PALM: variants seen among roughly 807,000 people sequenced by gnomAD.
PALM encodes the protein paralemmin-1.
PALM carries 18 observed loss-of-function variants against 30.7 expected under a neutral mutation model. The ratio of observed to expected loss-of-function variants is 0.59; its 90% confidence interval spans 0.41 to 0.87. The LOEUF is 0.87. Among genes scored for constraint, PALM ranks in the 40% least tolerant of loss-of-function variants. The pLI is 0.00. For synonymous variants in PALM, 286 were observed against 242.8 expected (o/e 1.18, Z -1.66); for missense variants, 529 against 555.4 (o/e 0.95, Z 0.48).
rs540395827 is a variant in PALM, at chr19:740,591, C to G, written c.634+108C>G. ...CTGCCCCGGAATCAGGACCCCGATT[C>G]GATGTGAAGCAGATGACGCTGTTCA... On this transcript the variant is annotated intron_variant, in intron 8 of 8. Coordinates refer to ENST00000338448, the MANE Select transcript of PALM (RefSeq NM_002579.3). 4.6e-5 allele frequency: 49 copies of G among 1,063,194 alleles called. No homozygotes were observed. The South Asian group carries it at 6.8e-4, about 15-fold the overall frequency. The allele number at this position is 1,063,194 out of a possible 1,614,324, so 65.9% of individuals were successfully genotyped here.
chr19:741,332 A>C (rs1313195286), intron 8 of PALM, among the ~76,000 whole-genome samples: 1 of 151,890 alleles, frequency 6.6e-6, no homozygotes, highest in East Asian at 1.9e-4. Context: ...GCCCCTGCAA[A>C]GGCCCTGAGG....
intron 1 of PALM, among the ~76,000 whole-genome samples, chr19:724,470 C>T (rs1425821754): frequency 6.6e-6 from 1 of 152,050 alleles, no homozygotes; most frequent in Admixed American, 6.6e-5. Context: ...CAGGTGCCGA[C>T]CACCACGCCT....
intron 1 of PALM, among the ~76,000 whole-genome samples, chr19:711,573 A>G (rs2032081138): frequency 6.6e-6 from 1 of 152,204 alleles, no homozygotes; most frequent in Admixed American, 6.5e-5. Flanking sequence ...TTAAAAGGCA[A>G]CAGTACCTAG....
At chr19:726,951 G>C (rs918636775) in intron 2 of PALM, 57 bp from the exon 3 acceptor site, 2 of 1,029,678 alleles carry the variant, frequency 1.9e-6, no homozygotes, top group Middle Eastern at 2.9e-4. Context: ...GTGTGGGGGT[G>C]GGGGGGTCTC....
chr19:716,154 G>A (rs534161331), intron 1 of PALM, among the ~76,000 whole-genome samples: 7 of 152,272 alleles, frequency 4.6e-5, no homozygotes, highest in South Asian at 2.1e-4. Flanking sequence ...GCTCACGCCT[G>A]TAATCCCAGC....
intron 6 of PALM, 51 bp from the exon 7 acceptor site, chr19:735,968 T>A: frequency 6.6e-7 from 1 of 1,506,248 alleles, no homozygotes. Context: ...GGGGTCCATG[T>A]GACCTCTCCT....
intron 6 of PALM, chr19:735,097 C>A: frequency 1.1e-6 from 1 of 869,892 alleles, no homozygotes; most frequent in Non-Finnish European, 1.4e-6. Context: ...CTAGGGGTTG[C>A]GGTGGGGGTC....
chr19:746,703 C>A lies in PALM; in HGVS notation c.1053C>A (p.Pro351=), dbSNP rs769085796. Residue 351 remains proline (P), a synonymous_variant, in exon 9 of 9, where the codon CCC becomes CCA. Transcript: ENST00000338448. The surrounding 1 kb of genome is among the most constrained non-coding windows in gnomAD (Gnocchi z 7.1). ...CCAACGGCAGTGCTGCCGAGCCTCC[C>A]ACGGAGGCCGCCTCCAGGGAAGAGA... is the stretch of plus-strand genomic sequence containing the variant. ...APPNGSAAEP[P]TEAASREENQ... 3 of 1,608,662 alleles carry A rather than the reference C, an allele frequency of 1.9e-6. No homozygotes were observed. Among genetic ancestry groups the A allele is most frequent in the Non-Finnish European group, 2.5e-6 (3 of 1,178,124 alleles).
intron 4 of PALM, among the ~76,000 whole-genome samples, chr19:729,490 G>T (rs1318568893): frequency 7.6e-6 from 1 of 131,354 alleles, no homozygotes; most frequent in Non-Finnish European, 1.6e-5. Flanking sequence ...TTTTGAGAAG[G>T]AGTCTCGCTC....
rs547655986 is a variant in PALM, at chr19:738,749, C to T, written c.503-1603C>T. ...CCCGGCGCAGAGCAGAGTCCAGGGC[C>T]GCAGCCGGGCCTAAGCGTCGAGGTT... On this transcript the variant is annotated intron_variant, in intron 7 of 8. Coordinates refer to ENST00000338448, the MANE Select transcript of PALM (RefSeq NM_002579.3). Among the ~76,000 whole-genome samples the T allele has an allele frequency of 2.0e-5, 3 of 152,216 alleles. No individual in the cohort carries two copies. In the South Asian group the frequency reaches 6.2e-4, roughly 32 times the overall value.
chr19:726,856 G>C (rs1281078992), intron 2 of PALM, 152 bp from the exon 3 acceptor site: 1 of 612,648 alleles, frequency 1.6e-6, no homozygotes, highest in East Asian at 2.8e-5. Flanking sequence ...CTGGAGTACA[G>C]TGGTGCGATC....
intron 7 of PALM, among the ~76,000 whole-genome samples, chr19:738,657 A>G (rs564549197): frequency 6.6e-5 from 10 of 152,130 alleles, no homozygotes; most frequent in Admixed American, 1.3e-4. Context: ...ATAGGGGCTG[A>G]GTCCAGGTCA....
intron 1 of PALM, among the ~76,000 whole-genome samples, chr19:722,229 T>G (rs1457154048): frequency 6.6e-6 from 1 of 152,212 alleles, no homozygotes; most frequent in Non-Finnish European, 1.5e-5. Flanking sequence ...TAAATTTTTA[T>G]TTTTGAGACA....
chr19:711,906 G>T (rs536481040), intron 1 of PALM, among the ~76,000 whole-genome samples: 2 of 152,038 alleles, frequency 1.3e-5, no homozygotes, highest in South Asian at 4.2e-4. Context: ...AGCATTGCAT[G>T]GGAAGGTGGT....
chr19:746,134 A>T lies in PALM; in HGVS notation c.635-151A>T. On this transcript the variant is annotated intron_variant, in intron 8 of 8. Transcript: ENST00000338448. This position sits in a 1 kb window ranked among gnomAD's most constrained non-coding sequence, Gnocchi z 7.1. Reference sequence around the variant, plus strand: ...CAACAGGGGGCTTTAATTGTCTGTCAGTTCTGACGGTGTAATCTAGTTCGT... The same window carrying T: ...CAACAGGGGGCTTTAATTGTCTGTCTGTTCTGACGGTGTAATCTAGTTCGT... 1 of 622,370 alleles carries T rather than the reference A, an allele frequency of 1.6e-6. No individual in the cohort carries two copies. The highest frequency in any genetic ancestry group is 2.8e-6 in the Non-Finnish European group (1 of 356,210). 38.6% of individuals were successfully genotyped at this position (622,370 alleles called of 1,614,324 possible).
chr19:740,416 C>T lies in PALM; in HGVS notation c.567C>T (p.Ser189=), dbSNP rs1200479011. The T allele has an allele frequency of 6.4e-7, 1 of 1,555,462 alleles. No homozygotes were observed. The highest frequency in any genetic ancestry group is 8.7e-7 in the Non-Finnish European group (1 of 1,149,298). ...TGACAGGGGAGACCAGGGTGCTGTC[C>T]AGCACCACGCTGCTCCCTCGGCAGC... ...DKVTGETRVL[S]STTLLPRQPL... Residue 189 remains serine, a synonymous_variant, in exon 8 of 9, where the codon TCC becomes TCT. Transcript: ENST00000338448.
intron 4 of PALM, among the ~76,000 whole-genome samples, chr19:729,305 G>A (rs959008909): frequency 2.6e-5 from 4 of 151,714 alleles, no homozygotes; most frequent in Non-Finnish European, 5.9e-5. Context: ...CAGCCTGGGG[G>A]ACAGAGCGAG....
chr19:727,544 C>T lies in PALM; in HGVS notation c.139-20C>T, dbSNP rs3746168. ...GCCCTGGTCCTGCCCACGACTCTGA[C>T]CTGGATCCCTGCTGCTCAGTCCAAG... is the stretch of plus-strand genomic sequence containing the variant. On this transcript the variant is annotated intron_variant, in intron 3 of 8. Transcript: ENST00000338448. 9.6e-6 allele frequency: 15 copies of T among 1,568,550 alleles called. No individual in the cohort carries two copies. In the South Asian group the frequency reaches 1.4e-4, roughly 15 times the overall value.
chr19:713,120 G>A lies in PALM; in HGVS notation c.5+3969G>A, dbSNP rs1022077221. Among the ~76,000 whole-genome samples, 4 of 152,100 alleles carry A rather than the reference G, an allele frequency of 2.6e-5. No homozygotes were observed. In the East Asian group the frequency reaches 5.8e-4, roughly 22 times the overall value. ...GGGCCGAGCATGCTCTCTCTAAGCC[G>A]CCGGGGACAGGGGAGGGTTTTTGGT... is the stretch of plus-strand genomic sequence containing the variant. On this transcript the variant is annotated intron_variant, in intron 1 of 8. Transcript: ENST00000338448.
Sources: allele counts gnomAD v4.1 joint callset (sites outside exome capture counted in the v4.1 genomes callset), GRCh38; gene constraint gnomAD v4.1.1; non-coding constraint Gnocchi (gnomAD v3.1); transcripts MANE v1.5; gene names NCBI Gene and HGNC (gene_info 2026-07-23, HGNC 2026-07-21).